Variants in AFG1L observed in about 807,000 individuals in gnomAD.
AFG1L encodes the protein AFG1 like ATPase, also known as AFG1-like ATPase.
Under a neutral mutation model 62.2 loss-of-function variants are expected in AFG1L, and 53 were observed. That is an observed-to-expected ratio of 0.85 (90% CI 0.68 to 1.07). The LOEUF is 1.07. Among genes scored for constraint, AFG1L ranks in the 50% least tolerant of loss-of-function variants. The pLI, the probability that AFG1L is intolerant of heterozygous loss-of-function variation, is 0.00. For synonymous variants in AFG1L, 228 were observed against 210.3 expected, an observed-to-expected ratio of 1.08 and a Z score of -0.73; for missense variants, 555 against 590.5, an observed-to-expected ratio of 0.94 and a Z score of 0.62.
chr6:108,499,455 A>G (rs975658526), intron 10 of AFG1L, among the ~76,000 whole-genome samples: 10 of 151,816 alleles, frequency 6.6e-5, no homozygotes, highest in South Asian at 4.2e-4. Context: ...ATTTTAATCC[A>G]GGCCAGGCAT....
At chr6:108,437,935 T>C (rs1771380863) in intron 7 of AFG1L, among the ~76,000 whole-genome samples, 1 of 152,182 alleles carries the variant, frequency 6.6e-6, no homozygotes, top group Non-Finnish European at 1.5e-5. Context: ...ACCTACAAAC[T>C]ATGTGGCCTC....
At chr6:108,412,904 C>T (rs1327246323) in intron 7 of AFG1L, among the ~76,000 whole-genome samples, 1 of 152,130 alleles carries the variant, frequency 6.6e-6, no homozygotes, top group Admixed American at 6.5e-5. Context: ...GGATCAATTT[C>T]ACACACAACA....
At chr6:108,424,030 GTA>G (rs1386512535) in intron 7 of AFG1L, among the ~76,000 whole-genome samples, 1 of 152,074 alleles carries the variant, frequency 6.6e-6, no homozygotes, top group African/African-American at 2.4e-5. Context: ...ATGCATGCAT[GTA>G]TGTGTGTGTG....
chr6:108,485,402 G>A (rs1773498187), intron 10 of AFG1L, among the ~76,000 whole-genome samples: 1 of 151,672 alleles, frequency 6.6e-6, no homozygotes, highest in Admixed American at 6.6e-5. Flanking sequence ...GGAAGAGTAA[G>A]TGTGCCAAAA....
intron 1 of AFG1L, chr6:108,295,999 A>G (rs1441259706): frequency 1.3e-5 from 2 of 152,162 alleles, no homozygotes; most frequent in East Asian, 3.8e-4. Flanking sequence ...CCTCATCCAC[A>G]TACTCGTTTT....
chr6:108,310,758 G>C (rs1777374159), intron 1 of AFG1L, among the ~76,000 whole-genome samples: 2 of 151,640 alleles, frequency 1.3e-5, no homozygotes. Context: ...TATTTTTATT[G>C]GTGATGGGGT....
chr6:108,318,105 G>T, intron 1 of AFG1L: 1 of 161,390 alleles, frequency 6.2e-6, no homozygotes. Context: ...AAACCCTCTA[G>T]ACTTTCTGTA....
At chr6:108,316,533 A>ATTT (rs544278061) in intron 1 of AFG1L, among the ~76,000 whole-genome samples, 2 of 125,154 alleles carry the variant, frequency 1.6e-5, no homozygotes, top group Admixed American at 8.6e-5. Flanking sequence ...GTACACTCTG[A>ATTT]TTTTTTTTTT....
At chr6:108,413,381 A>G (rs1782205509) in intron 7 of AFG1L, among the ~76,000 whole-genome samples, 2 of 152,210 alleles carry the variant, frequency 1.3e-5, no homozygotes, top group African/African-American at 4.8e-5. Flanking sequence ...TAGCAAGGAT[A>G]TCCAGGAACT....
At chr6:108,449,228 T>C (rs1227351766) in intron 8 of AFG1L, among the ~76,000 whole-genome samples, 8 of 151,658 alleles carry the variant, frequency 5.3e-5, no homozygotes, top group Non-Finnish European at 1.2e-4. Flanking sequence ...TACACAGACA[T>C]ATAGATATAT....
intron 6 of AFG1L, among the ~76,000 whole-genome samples, chr6:108,369,230 G>A (rs1779886571): frequency 6.6e-6 from 1 of 152,230 alleles, no homozygotes; most frequent in East Asian, 1.9e-4. Flanking sequence ...GGGTGAGGAG[G>A]TGTTTGACTA....
At chr6:108,369,309 C>A (rs535297218) in intron 6 of AFG1L, among the ~76,000 whole-genome samples, 1 of 152,204 alleles carries the variant, frequency 6.6e-6, no homozygotes, top group East Asian at 1.9e-4. Context: ...GCTAAAAACT[C>A]ATAGAACCGT....
intron 7 of AFG1L, among the ~76,000 whole-genome samples, chr6:108,446,691 G>C (rs1043983594): frequency 6.6e-6 from 1 of 151,948 alleles, no homozygotes; most frequent in African/African-American, 2.4e-5. Flanking sequence ...TTTTTGTAGA[G>C]ATGGGTTTTG....
intron 10 of AFG1L, among the ~76,000 whole-genome samples, chr6:108,504,806 A>G (rs1213902900): frequency 1.3e-5 from 2 of 152,224 alleles, no homozygotes; most frequent in African/African-American, 4.8e-5. Context: ...TGCACTAAGC[A>G]ATCTTGTTTT....
At chr6:108,408,352 A>G (rs1354760970) in intron 7 of AFG1L, among the ~76,000 whole-genome samples, 1 of 152,170 alleles carries the variant, frequency 6.6e-6, no homozygotes, top group Non-Finnish European at 1.5e-5. Flanking sequence ...CAGAATGCTT[A>G]TATCTCCCAG....
chr6:108,332,331 A>G (rs567959216), intron 2 of AFG1L, among the ~76,000 whole-genome samples: 19 of 152,344 alleles, frequency 1.2e-4, no homozygotes, highest in Non-Finnish European at 2.2e-4. Context: ...CCTATTCAAC[A>G]GGAACTATTC....
intron 1 of AFG1L, among the ~76,000 whole-genome samples, chr6:108,321,780 T>G (rs527261088): frequency 1.9e-4 from 29 of 152,346 alleles, no homozygotes; most frequent in Middle Eastern, 3.4e-3. Context: ...GATTCTGTTT[T>G]ACAGGCCTTA....
At chr6:108,388,710 G>A (rs1780890585) in intron 6 of AFG1L, among the ~76,000 whole-genome samples, 3 of 150,544 alleles carry the variant, frequency 2.0e-5, no homozygotes, top group Admixed American at 2.0e-4. Flanking sequence ...TTAATCCTGA[G>A]TTCTAGTTTG....
rs145314380 is a variant in AFG1L at position 108,348,140 on chromosome 6, G to A, written c.415+1101G>A. On this transcript the variant is annotated intron_variant, in intron 3 of 12. Transcript: ENST00000368977. ...CTGTCACCCAGGCTGGTGCGGTGGC[G>A]CGATCTCGGCTCACTGCAAGCTCCG... Among the ~76,000 whole-genome samples the A allele has an allele frequency of 1.8e-3, 268 of 152,244 alleles. 1 individual carries two copies. Among genetic ancestry groups the A allele is most frequent in the Middle Eastern group, 6.8e-3 (2 of 294 alleles).
Sources: allele counts gnomAD v4.1 joint callset (sites outside exome capture counted in the v4.1 genomes callset), GRCh38; gene constraint gnomAD v4.1.1; transcripts MANE v1.5; gene names NCBI Gene and HGNC (gene_info 2026-07-23, HGNC 2026-07-21).